The following CRIM1 variants were observed in gnomAD, a reference collection of about 807,000 sequenced individuals.
CRIM1 encodes cysteine-rich motor neuron 1 protein.
Under a neutral mutation model 116.4 loss-of-function variants are expected in CRIM1, and 32 were observed. The ratio of observed to expected loss-of-function variants is 0.27; its 90% CI spans 0.21 to 0.37. The LOEUF (loss-of-function observed/expected upper bound fraction) is 0.37, where lower values mean the gene tolerates loss of function less well. CRIM1 is among the 10% of genes least tolerant of loss of function. The pLI is 1.00. For missense variants in CRIM1, 1,331 were observed against 1,354.8 expected (o/e 0.98, Z 0.28); for synonymous variants, 590 against 509.2 (o/e 1.16, Z -2.13).
chr2:36,381,036 T>C (rs1055169155), intron 1 of CRIM1, among the ~76,000 whole-genome samples: 3 of 152,182 alleles, frequency 2.0e-5, no homozygotes, highest in Non-Finnish European at 4.4e-5. Flanking sequence ...TGTCCCAGAA[T>C]ACAGAACACA....
intron 1 of CRIM1, among the ~76,000 whole-genome samples, chr2:36,364,349 T>G (rs879643708): frequency 2.6e-5 from 4 of 152,218 alleles, no homozygotes; most frequent in Non-Finnish European, 4.4e-5. Flanking sequence ...GCTATTATAG[T>G]CATTATTTTT....
intron 2 of CRIM1, among the ~76,000 whole-genome samples, chr2:36,435,613 A>C (rs1202771372): frequency 1.3e-5 from 2 of 150,736 alleles, no homozygotes; most frequent in Non-Finnish European, 3.0e-5. Context: ...TTGGTGCAAA[A>C]GTAATCGCAG....
At chr2:36,364,926 T>G (rs1669488103) in intron 1 of CRIM1, among the ~76,000 whole-genome samples, 1 of 152,180 alleles carries the variant, frequency 6.6e-6, no homozygotes. Flanking sequence ...TTCCATTCTA[T>G]TTTCTATCCT....
chr2:36,409,146 C>T (rs2148410196), intron 2 of CRIM1, among the ~76,000 whole-genome samples: 1 of 152,220 alleles, frequency 6.6e-6, no homozygotes, highest in Non-Finnish European at 1.5e-5. Flanking sequence ...CTACTTTCCT[C>T]CAGTTCTTGT....
At chr2:36,473,109 G>A (rs183331743) in intron 5 of CRIM1, among the ~76,000 whole-genome samples, 4 of 152,208 alleles carry the variant, frequency 2.6e-5, no homozygotes, top group East Asian at 1.9e-4. Flanking sequence ...AATAATACTC[G>A]TTCTGTCTTC....
intron 14 of CRIM1, among the ~76,000 whole-genome samples, chr2:36,543,500 T>TA (rs5830427): frequency 1.3e-5 from 2 of 151,966 alleles, no homozygotes; most frequent in Admixed American, 6.6e-5. Context: ...AATTGCTTTA[T>TA]AAAAAAATCA....
intron 16 of CRIM1, among the ~76,000 whole-genome samples, chr2:36,547,420 C>T (rs557223697): frequency 2.0e-5 from 3 of 152,080 alleles, no homozygotes; most frequent in Admixed American, 6.5e-5. Context: ...CCAGTTTTCT[C>T]GATGTACTCT....
intron 1 of CRIM1, among the ~76,000 whole-genome samples, chr2:36,383,326 G>C (rs1289661932): frequency 6.6e-6 from 1 of 152,176 alleles, no homozygotes; most frequent in Non-Finnish European, 1.5e-5. Flanking sequence ...TAAAATATCT[G>C]AAAGTTACCT....
chr2:36,420,637 A>G lies in CRIM1; in HGVS notation c.506-20621A>G, dbSNP rs564602503. On this transcript the variant is annotated intron_variant, in intron 2 of 16. Coordinates refer to ENST00000280527, the MANE Select transcript of CRIM1 (RefSeq NM_016441.3). ...AGTGCCTAACTCTTTTCAAAAGTTC[A>G]GGAGGTCTTCATCCCTGTGGAGCTG... 4.6e-5 allele frequency among the ~76,000 whole-genome samples: 7 copies of G among 152,030 alleles called. No individual in the cohort carries two copies. In the South Asian group the frequency reaches 1.5e-3, roughly 32 times the overall value.
intron 1 of CRIM1, among the ~76,000 whole-genome samples, chr2:36,377,830 T>C (rs1229696844): frequency 2.0e-5 from 3 of 152,208 alleles, no homozygotes; most frequent in East Asian, 3.8e-4. Flanking sequence ...TAAGGCATCA[T>C]AGGCCTGAAG....
intron 1 of CRIM1, among the ~76,000 whole-genome samples, chr2:36,377,037 C>T (rs996400265): frequency 7.2e-5 from 11 of 152,108 alleles, no homozygotes; most frequent in Non-Finnish European, 1.3e-4. Flanking sequence ...GGTCTGAATC[C>T]CTTTCCCTTG....
At chr2:36,377,585 T>C (rs1558514414) in intron 1 of CRIM1, among the ~76,000 whole-genome samples, 1 of 152,274 alleles carries the variant, frequency 6.6e-6, no homozygotes, top group East Asian at 1.9e-4. Context: ...TTTGGGTGGT[T>C]ATAAGGAATA....
chr2:36,515,470 A>G (rs1664977057), intron 11 of CRIM1, among the ~76,000 whole-genome samples: 1 of 152,236 alleles, frequency 6.6e-6, no homozygotes, highest in African/African-American at 2.4e-5. Context: ...TTGCCACATA[A>G]GCCTCCTTCT....
chr2:36,377,102 C>A (rs537806336), intron 1 of CRIM1, among the ~76,000 whole-genome samples: 8 of 152,342 alleles, frequency 5.3e-5, no homozygotes, highest in African/African-American at 1.9e-4. Flanking sequence ...CCTTGGTCAA[C>A]CCCCAGCCCT....
chr2:36,543,862 T>A (rs1017291619), intron 14 of CRIM1, among the ~76,000 whole-genome samples: 1 of 150,318 alleles, frequency 6.7e-6, no homozygotes, highest in African/African-American at 2.5e-5. Flanking sequence ...CTGAGACTTA[T>A]ACTCATGAGG....
chr2:36,367,191 C>G (rs1437053581), intron 1 of CRIM1, among the ~76,000 whole-genome samples: 2 of 152,090 alleles, frequency 1.3e-5, no homozygotes, highest in Non-Finnish European at 2.9e-5. Flanking sequence ...CTTTTCAGAA[C>G]CACTGAGTTC....
intron 4 of CRIM1, among the ~76,000 whole-genome samples, chr2:36,447,566 C>A (rs1300488184): frequency 6.6e-6 from 1 of 152,090 alleles, no homozygotes; most frequent in African/African-American, 2.4e-5. Context: ...CTGGAAAGAC[C>A]CCTCTCCCTA....
intron 2 of CRIM1, among the ~76,000 whole-genome samples, chr2:36,410,860 C>T (rs1201182077): frequency 6.6e-6 from 1 of 152,080 alleles, no homozygotes; most frequent in Non-Finnish European, 1.5e-5. Context: ...GGTGCATTAA[C>T]GTGGCGTCTG....
intron 2 of CRIM1, among the ~76,000 whole-genome samples, chr2:36,414,024 A>G (rs1673419264): frequency 6.6e-6 from 1 of 152,174 alleles, no homozygotes; most frequent in Non-Finnish European, 1.5e-5. Flanking sequence ...CTTTACATCC[A>G]ATAGGTTTCT....
Sources: gnomAD v4.1 joint callset for allele counts (sites outside exome capture counted in the v4.1 genomes callset) on GRCh38, gnomAD v4.1.1 for gene constraint, MANE v1.5 for transcripts, NCBI Gene and HGNC (gene_info 2026-07-23, HGNC 2026-07-21) for gene names.